Variants in DIP2C observed in about 807,000 individuals in gnomAD.
DIP2C encodes disco-interacting protein 2 homolog C.
Under a neutral mutation model 192.4 loss-of-function variants are expected in DIP2C, and 33 were observed. The ratio of observed to expected loss-of-function variants is 0.17; its 90% CI spans 0.13 to 0.23. The LOEUF is 0.23. Among genes scored for constraint, DIP2C ranks in the 10% least tolerant of loss-of-function variants. The pLI is 1.00. For synonymous variants in DIP2C, 979 were observed against 864.1 expected (o/e 1.13, Z -2.33); for missense variants, 1,537 against 2,110.1 (o/e 0.73, Z 5.32).
chr10:588,552 A>G (rs1851220081), intron 1 of DIP2C, among the ~76,000 whole-genome samples: 1 of 152,206 alleles, frequency 6.6e-6, no homozygotes, highest in Admixed American at 6.5e-5. Flanking sequence ...GGAAAGTGAC[A>G]CCAGGGCCCT....
chr10:506,980 G>A (rs767838939), intron 1 of DIP2C, among the ~76,000 whole-genome samples: 3 of 152,066 alleles, frequency 2.0e-5, no homozygotes, highest in Non-Finnish European at 2.9e-5. Context: ...GACGAGAGGC[G>A]TGTGGTCAAG....
intron 30 of DIP2C, among the ~76,000 whole-genome samples, chr10:327,487 C>T (rs191132610): frequency 2.8e-4 from 42 of 152,264 alleles, no homozygotes; most frequent in African/African-American, 7.0e-4. Flanking sequence ...GATGAAAGGC[C>T]GTTCGGGAAA....
At chr10:327,701 A>C (rs1162065313) in intron 30 of DIP2C, among the ~76,000 whole-genome samples, 1 of 152,214 alleles carries the variant, frequency 6.6e-6, no homozygotes, top group African/African-American at 2.4e-5. Flanking sequence ...ACCCAGCCTG[A>C]AAACCTACAT....
intron 7 of DIP2C, among the ~76,000 whole-genome samples, chr10:414,707 A>ATATGTGTGTG (rs750419581): frequency 6.3e-5 from 3 of 47,826 alleles, no homozygotes; most frequent in African/African-American, 2.7e-4. Context: ...GTGTGTATGT[A>ATATGTGTGTG]TGTGTGTGTG....
chr10:430,379 G>C (rs553929763), intron 4 of DIP2C: 3 of 152,132 alleles, frequency 2.0e-5, no homozygotes, highest in African/African-American at 7.2e-5. Flanking sequence ...CTGGGTTGAC[G>C]CCGAACTTAG....
intron 1 of DIP2C, among the ~76,000 whole-genome samples, chr10:515,236 T>C (rs905698965): frequency 6.6e-6 from 1 of 152,208 alleles, no homozygotes; most frequent in Non-Finnish European, 1.5e-5. Flanking sequence ...AAAATCTTAA[T>C]ACTGAAAGAA....
At chr10:621,730 T>C (rs1198822828) in intron 1 of DIP2C, among the ~76,000 whole-genome samples, 1 of 152,072 alleles carries the variant, frequency 6.6e-6, no homozygotes, top group Non-Finnish European at 1.5e-5. Context: ...TGCACAGAGC[T>C]GTGATGAGCA....
chr10:607,072 G>A (rs1231474380), intron 1 of DIP2C, among the ~76,000 whole-genome samples: 1 of 151,968 alleles, frequency 6.6e-6, no homozygotes, highest in Non-Finnish European at 1.5e-5. Context: ...GTACATGCCT[G>A]GGCCCAGCAC....
At chr10:498,862 C>T (rs1346654174) in intron 1 of DIP2C, among the ~76,000 whole-genome samples, 3 of 152,130 alleles carry the variant, frequency 2.0e-5, no homozygotes, top group Non-Finnish European at 2.9e-5. Context: ...TGAGTCCTGC[C>T]AGCTAATTAT....
intron 32 of DIP2C, among the ~76,000 whole-genome samples, chr10:298,044 A>G (rs1271443533): frequency 2.0e-5 from 3 of 152,172 alleles, no homozygotes; most frequent in African/African-American, 4.8e-5. Context: ...CATATCCAAC[A>G]TTAGTTAGAA....
At chr10:560,229 G>A (rs1411424319) in intron 1 of DIP2C, among the ~76,000 whole-genome samples, 1 of 152,158 alleles carries the variant, frequency 6.6e-6, no homozygotes, top group East Asian at 1.9e-4. Flanking sequence ...AACCCACAGG[G>A]GTGGAGAAGA....
intron 1 of DIP2C, among the ~76,000 whole-genome samples, chr10:586,887 C>A (rs1417932282): frequency 6.6e-6 from 1 of 152,200 alleles, no homozygotes; most frequent in Non-Finnish European, 1.5e-5. Flanking sequence ...GAGGGGCGAC[C>A]AGCATGAGTT....
In DIP2C at chr10:670,161, C is replaced by T. The variant is rs564458430; in HGVS notation, c.85+19333G>A. 5.6e-4 allele frequency among the ~76,000 whole-genome samples: 85 copies of T among 152,146 alleles called. 2 individuals are homozygous for T. The highest frequency in any genetic ancestry group is 3.1e-3 in the South Asian group (15 of 4,832). On this transcript the variant is annotated intron_variant, in intron 1 of 36. Coordinates refer to ENST00000280886, the MANE Select transcript of DIP2C (RefSeq NM_014974.3). ...ATACACGTGTACACATATGCACGTGCGCACATGCATGAACATGTACACGTG... is the reference window on the plus strand; with the variant it reads ...ATACACGTGTACACATATGCACGTGTGCACATGCATGAACATGTACACGTG...
intron 1 of DIP2C, chr10:662,255 G>A: frequency 1.6e-6 from 1 of 630,110 alleles, no homozygotes; most frequent in Non-Finnish European, 2.9e-6. Flanking sequence ...TGAAGGTACT[G>A]TATGAGGTAC....
chr10:667,132 T>C (rs1857145276), intron 1 of DIP2C: 1 of 152,260 alleles, frequency 6.6e-6, no homozygotes, highest in South Asian at 2.1e-4. Flanking sequence ...GGCAGGCGGA[T>C]GACATGAGGT....
Position 486,466 on chromosome 10 carries a change from C to G in DIP2C, c.150G>C (p.Gln50His). 1 of 1,600,018 alleles carries G rather than the reference C, an allele frequency of 6.2e-7. No homozygotes were observed. The highest frequency in any genetic ancestry group is 8.5e-7 in the Non-Finnish European group (1 of 1,173,448). Residue 50 changes from glutamine (Q) to histidine (H), a missense_variant, in exon 2 of 37, where the codon CAG (glutamine) becomes CAC (histidine). Physicochemically the swap from Gln to His is conservative, Grantham distance 24. Transcript: ENST00000280886. ...CTCATGGGGGTTACCTACTCGGAGG[C>G]TGCGGAAGGTAGGCTCCAATTAACT... The part of the protein sequence containing the change: ...RSKLIGAYLP[Q>H]PPRVDQALPQ...
At chr10:638,723 G>A (rs1564292933) in intron 1 of DIP2C, among the ~76,000 whole-genome samples, 1 of 152,162 alleles carries the variant, frequency 6.6e-6, no homozygotes, top group Non-Finnish European at 1.5e-5. Context: ...CCTGTTTCAG[G>A]TTTGCCAGCA....
chr10:392,705 T>TGCCCAGGTACACACGC (rs200676658), intron 10 of DIP2C, among the ~76,000 whole-genome samples: 6 of 151,314 alleles, frequency 4.0e-5, no homozygotes, highest in African/African-American at 1.2e-4. Context: ...CACACATACG[T>TGCCCAGGTACACACGC]GCCCAGGTAC....
chr10:581,645 C>CCA (rs1188033525), intron 1 of DIP2C, among the ~76,000 whole-genome samples: 6 of 152,246 alleles, frequency 3.9e-5, no homozygotes, highest in South Asian at 2.1e-4. Context: ...ATGGAACCCA[C>CCA]CACCACGAGA....
Sources: allele counts gnomAD v4.1 joint callset (sites outside exome capture counted in the v4.1 genomes callset), GRCh38; gene constraint gnomAD v4.1.1; transcripts MANE v1.5; gene names NCBI Gene and HGNC (gene_info 2026-07-23, HGNC 2026-07-21).